The following PTK6 variants were observed in gnomAD, a reference collection of about 807,000 sequenced individuals.
The protein encoded by PTK6 is protein-tyrosine kinase 6.
A neutral mutation model predicts 47.5 loss-of-function variants in PTK6; 47 were observed. The ratio of observed to expected loss-of-function variants is 0.99; its 90% CI spans 0.78 to 1.26. The LOEUF (loss-of-function observed/expected upper bound fraction) is 1.26. Among genes scored for constraint, PTK6 ranks in the 50% most tolerant of loss-of-function variants. PTK6 has a pLI of 0.00. For synonymous variants in PTK6, 287 were observed against 276.5 expected (o/e 1.04, Z -0.38); for missense variants, 618 against 625.3 (o/e 0.99, Z 0.12).
rs576782553 is a variant in PTK6 at position 63,530,591 on chromosome 20, C to A, written c.1014+155G>T. Among the ~76,000 whole-genome samples, 8 of 152,306 alleles carry A rather than the reference C, an allele frequency of 5.3e-5. No individual in the cohort carries two copies. In the East Asian group the frequency reaches 1.5e-3, roughly 29 times the overall value. On this transcript the variant is annotated intron_variant, in intron 6 of 7. Transcript: ENST00000542869. The surrounding 1 kb of genome is among the most constrained non-coding windows in gnomAD (Gnocchi z 4.1). ...TTCAGAATGGGGGCCCCACCGGACT[C>A]ACGGTGGCTTCCCACCTCCCTGCCC... is the stretch of plus-strand genomic sequence containing the variant.
rs149831201 is a variant in PTK6, at chr20:63,537,251, G to A, written c.64C>T (p.Arg22Trp). 62 of 1,612,220 alleles carry A rather than the reference G, an allele frequency of 3.8e-5. No individual in the cohort carries two copies. The highest frequency in any genetic ancestry group is 2.1e-4 in the African/African-American group (16 of 74,930). The change falls in exon 1 of 8, where the codon CGG becomes TGG. Residue 22 changes from arginine (R) to tryptophan (W), a missense_variant. By Grantham distance (101) the Arg-to-Trp change is moderately radical. Transcript: ENST00000542869. ...CGGAAGCTCAGCTCCTCGTCCGTCC[G>A]GGACTTGAAGTCCCAGAGGCCCACA... ...KYVGLWDFKS[R>W]TDEELSFRAG...
Position 63,535,068 on chromosome 20 carries a change from G to C in PTK6, c.231-9C>G. ...TGCAGCCAAAGAACCACCTGCAGGG[G>C]AGGAGTCTGAGAACACGCGGACCTG... is the stretch of plus-strand genomic sequence containing the variant. On this transcript the variant is annotated splice_polypyrimidine_tract_variant and intron_variant, in intron 1 of 7. Transcript: ENST00000542869. 1.9e-6 allele frequency: 3 copies of C among 1,590,234 alleles called. No homozygotes were observed. The African/African-American group carries it at 4.0e-5, about 21-fold the overall frequency.
chr20:63,536,981 G>A (rs1341372084), intron 1 of PTK6, 104 bp downstream of exon 1: 2 of 1,247,352 alleles, frequency 1.6e-6, no homozygotes, highest in African/African-American at 1.5e-5. Context: ...ATGGAACCGG[G>A]GTCCCCACCT....
chr20:63,537,189 C>G lies in PTK6; in HGVS notation c.126G>C (p.Glu42Asp). 1 of 1,612,358 alleles carries G rather than the reference C, an allele frequency of 6.2e-7. No homozygotes were observed. The highest frequency in any genetic ancestry group is 8.5e-7 in the Non-Finnish European group (1 of 1,179,792). ...GDVFHVARKE[E>D]QWWWATLLDE... ...CCAGCAGCGTGGCCCACCACCACTG[C>G]TCCTCCTTCCTGGCCACGTGGAAGA... is the stretch of plus-strand genomic sequence containing the variant. The change falls in exon 1 of 8, where the codon GAG becomes GAC. Residue 42 changes from glutamate (E) to aspartate (D), a missense_variant. Coordinates refer to ENST00000542869, the MANE Select transcript of PTK6 (RefSeq NM_005975.4).
Position 63,529,967 on chromosome 20 carries a change from G to A in PTK6, c.1168+111C>T, listed in dbSNP as rs1026386292. 29 of 1,362,750 alleles carry A rather than the reference G, an allele frequency of 2.1e-5. No homozygotes were observed. Among genetic ancestry groups the A allele is most frequent in the Non-Finnish European group, 2.4e-5 (24 of 999,290 alleles). 84.4% of individuals were successfully genotyped at this position (1,362,750 alleles called of 1,614,324 possible). A position where few individuals can be genotyped will look rare whatever the true frequency, so the allele number is the denominator to read the frequency against. ...AGGTGTGGAGTTCAGGCGATGGCCC[G>A]CGGAGGGCCCTGAAGCCCGTGGGGG... On this transcript the variant is annotated intron_variant, in intron 7 of 7. Coordinates refer to ENST00000542869, the MANE Select transcript of PTK6 (RefSeq NM_005975.4). The surrounding 1 kb of genome is among the most constrained non-coding windows in gnomAD (Gnocchi z 5.6).
Position 63,530,664 on chromosome 20 carries a change from C to G in PTK6, c.1014+82G>C. On this transcript the variant is annotated intron_variant, in intron 6 of 7. Transcript: ENST00000542869. The surrounding 1 kb of genome is among the most constrained non-coding windows in gnomAD (Gnocchi z 4.1). Reference sequence around the variant, plus strand: ...GGCCGCATCCTGCTCCCAGCCGAGTCCCCAGCTCCACACACAGGAAGCCCC... The same window carrying G: ...GGCCGCATCCTGCTCCCAGCCGAGTGCCCAGCTCCACACACAGGAAGCCCC... 1 of 1,499,522 alleles carries G rather than the reference C, an allele frequency of 6.7e-7. No individual in the cohort carries two copies. Among genetic ancestry groups the G allele is most frequent in the Non-Finnish European group, 9.1e-7 (1 of 1,104,214 alleles). 92.9% of individuals were successfully genotyped at this position (1,499,522 alleles called of 1,614,324 possible). A position where few individuals can be genotyped will look rare whatever the true frequency, so the allele number is the denominator to read the frequency against.
In PTK6 at chr20:63,537,086, G is replaced by T; in HGVS notation, c.229C>A (p.Pro77Thr). Residue 77 changes from proline (P) to threonine (T), a missense_variant and splice_region_variant, in exon 1 of 8, where the codon CCG (proline) becomes ACG (threonine). Coordinates refer to ENST00000542869, the MANE Select transcript of PTK6 (RefSeq NM_005975.4). The part of the protein sequence containing the change: ...LAERETVESE[P>T]WFFGCISRSE... ...CTCCCAGCAGCCTAGGACACGCACG[G>T]TTCCGACTCCACCGTCTCCCTCTCG... 6.2e-7 allele frequency: 1 copy of T among 1,608,086 alleles called. No homozygotes were observed. The highest frequency in any genetic ancestry group is 1.1e-5 in the South Asian group (1 of 90,006).
At chr20:63,532,169 G>GTC (rs1555885855) in intron 5 of PTK6, among the ~76,000 whole-genome samples, 100 of 150,972 alleles carry the variant, frequency 6.6e-4, no homozygotes, top group African/African-American at 2.4e-3. Context: ...GTCTGTGTGT[G>GTC]TGTGTGTCTG....
chr20:63,531,693 C>T (rs995803543), intron 5 of PTK6, among the ~76,000 whole-genome samples: 3 of 151,546 alleles, frequency 2.0e-5, no homozygotes, highest in African/African-American at 7.3e-5. Context: ...TGTGATGACG[C>T]GGGAGGAGCT....
rs1376871666 is a variant in PTK6 at position 63,532,575 on chromosome 20, G to A, written c.783C>T (p.Tyr261=). 6.2e-7 allele frequency: 1 copy of A among 1,613,986 alleles called. No individual in the cohort carries two copies. The highest frequency in any genetic ancestry group is 1.1e-5 in the South Asian group (1 of 91,082). The change falls in exon 5 of 8, where the codon TAC becomes TAT. Residue 261 remains tyrosine, a synonymous_variant. Transcript: ENST00000542869. Reference sequence around the variant, plus strand: ...CCTTGGCCATGAGCTCCGTGATGATGTACACGGGGTCCCCCACGGACACCA... The same window carrying A: ...CCTTGGCCATGAGCTCCGTGATGATATACACGGGGTCCCCCACGGACACCA... ...YAVVSVGDPV[Y]IITELMAKGS...
chr20:63,534,428 G>A, intron 2 of PTK6, 113 bp from the exon 3 acceptor site: 6 of 1,358,222 alleles, frequency 4.4e-6, no homozygotes, highest in Non-Finnish European at 5.9e-6. Flanking sequence ...GTTGCTGTTG[G>A]TGCTTCCTCA....
At chr20:63,534,438 A>C in intron 2 of PTK6, 123 bp from the exon 3 acceptor site, 1 of 1,262,298 alleles carries the variant, frequency 7.9e-7, no homozygotes, top group Non-Finnish European at 1.1e-6. Flanking sequence ...GTGCTTCCTC[A>C]GTACCACCCC....
At position 63,533,362 on chromosome 20, in the gene PTK6, G is replaced by A. The variant is rs571699030; in HGVS notation, c.670+189C>T. Among the ~76,000 whole-genome samples, 50 of 152,212 alleles carry A rather than the reference G, an allele frequency of 3.3e-4. No homozygotes were observed. Among genetic ancestry groups the A allele is most frequent in the Non-Finnish European group, 4.0e-4 (27 of 68,004 alleles). On this transcript the variant is annotated intron_variant, in intron 4 of 7. Transcript: ENST00000542869. The surrounding 1 kb of genome is among the most constrained non-coding windows in gnomAD (Gnocchi z 4.0). ...ATTACAGATGTGAGCCACCGTGCCC[G>A]GCCTAAAATTTTCTTTTATAATAAA...
At chr20:63,531,614 CAA>C (rs111459656) in intron 5 of PTK6, among the ~76,000 whole-genome samples, 18 of 120,500 alleles carry the variant, frequency 1.5e-4, no homozygotes, top group Non-Finnish European at 2.2e-4. Flanking sequence ...GACTCCGTCT[CAA>C]AAAAAAAAAA....
Position 63,534,987 on chromosome 20 carries a change from G to A in PTK6, c.303C>T (p.Ala101=). ...RLQAEGNATG[A]FLIRVSEKPS... ...GCTTCTCGCTGACCCTGATCAGGAA[G>A]GCGCCCGTGGCGTTGCCCTCGGCCT... is the stretch of plus-strand genomic sequence containing the variant. The change falls in exon 2 of 8, where the codon GCC becomes GCT. Residue 101 remains alanine (A), a synonymous_variant. Coordinates refer to ENST00000542869, the MANE Select transcript of PTK6 (RefSeq NM_005975.4). The A allele has an allele frequency of 6.2e-7, 1 of 1,608,274 alleles. No individual in the cohort carries two copies. The highest frequency in any genetic ancestry group is 8.5e-7 in the Non-Finnish European group (1 of 1,177,610).
Position 63,533,801 on chromosome 20 carries a change from G to T in PTK6, c.517-97C>A. 6.7e-7 allele frequency: 1 copy of T among 1,483,748 alleles called. No individual in the cohort carries two copies. 91.9% of individuals were successfully genotyped at this position (1,483,748 alleles called of 1,614,324 possible). A position where few individuals can be genotyped will look rare whatever the true frequency, so the allele number is the denominator to read the frequency against. On this transcript the variant is annotated intron_variant, in intron 3 of 7. Transcript: ENST00000542869. The surrounding 1 kb of genome is among the most constrained non-coding windows in gnomAD (Gnocchi z 4.0). ...GAGCCTGGATTTAGCCTCAGATTTA[G>T]GGCCACGATCAGCCTGGGTTGGGGG...
In PTK6 at chr20:63,530,111, C is replaced by A. The variant is rs1231108499; in HGVS notation, c.1135G>T (p.Glu379Ter). 6.2e-7 allele frequency: 1 copy of A among 1,613,968 alleles called. No individual in the cohort carries two copies. The highest frequency in any genetic ancestry group is 1.3e-5 in the African/African-American group (1 of 74,958). Residue 379 changes from glutamate (E) to a stop codon, truncating the protein, a stop_gained, in exon 7 of 8, where the codon GAG (glutamate) becomes TAG (stop). Coordinates refer to ENST00000542869, the MANE Select transcript of PTK6 (RefSeq NM_005975.4). LOFTEE classifies it low-confidence loss of function (END_TRUNC). The surrounding 1 kb of genome is among the most constrained non-coding windows in gnomAD (Gnocchi z 4.1). ...GGCACCTGACCCCTGCTGAACATCT[C>A]ATGCAGGAGAATCCCAAAGGACCAG... ...DVWSFGILLH[E>*]MFSRGQVPYP...
rs779822271 is a variant in PTK6 at position 63,530,750 on chromosome 20, A to G, written c.1010T>C (p.Ile337Thr). Residue 337 changes from isoleucine to threonine, a missense_variant, in exon 6 of 8, where the codon ATC (isoleucine) becomes ACC (threonine). Coordinates refer to ENST00000542869, the MANE Select transcript of PTK6 (RefSeq NM_005975.4). The surrounding 1 kb of genome is among the most constrained non-coding windows in gnomAD (Gnocchi z 4.1). ...KVGDFGLARLIKEDVYLSHDH... is the reference protein window; with the variant it reads ...KVGDFGLARLTKEDVYLSHDH... Reference sequence around the variant, plus strand: ...CACGCCCTCTGAGGGCCCTACCTTGATAAGCCTGGCTAACCCGAAGTCCCC... The same window carrying G: ...CACGCCCTCTGAGGGCCCTACCTTGGTAAGCCTGGCTAACCCGAAGTCCCC... 83 of 1,613,538 alleles carry G rather than the reference A, an allele frequency of 5.1e-5. No individual in the cohort carries two copies. Among genetic ancestry groups the G allele is most frequent in the Non-Finnish European group, 6.8e-5 (80 of 1,179,806 alleles).
intron 1 of PTK6, among the ~76,000 whole-genome samples, chr20:63,535,529 G>T (rs528292414): frequency 6.6e-6 from 1 of 152,130 alleles, no homozygotes; most frequent in East Asian, 1.9e-4. Flanking sequence ...CCACTCGCGC[G>T]CACTAACTCC....
Sources: gnomAD v4.1 joint callset for allele counts (sites outside exome capture counted in the v4.1 genomes callset) on GRCh38, gnomAD v4.1.1 for gene constraint, Gnocchi (gnomAD v3.1) non-coding constraint, MANE v1.5 for transcripts, NCBI Gene and HGNC (gene_info 2026-07-23, HGNC 2026-07-21) for gene names.